ADISSP: variants seen among roughly 807,000 people sequenced by gnomAD.
The protein encoded by ADISSP is adipose secreted signaling protein.
the ADISSP span, chr20:3,753,739 T>C: frequency 0.29 from 121,615 of 412,394 alleles, 18,928 homozygotes; most frequent in Non-Finnish European, 0.32. Context: ...CTGGTGGGAG[T>C]CCCTGTGGCT....
the ADISSP span, chr20:3,754,357 T>C: frequency 1.9e-6 from 3 of 1,601,394 alleles, no homozygotes; most frequent in Non-Finnish European, 2.6e-6. Flanking sequence ...GCAGTCGAGC[T>C]TGTGCATCCC....
chr20:3,762,030 G>A, the ADISSP span, among the ~76,000 whole-genome samples: 1 of 152,188 alleles, frequency 6.6e-6, no homozygotes, highest in African/African-American at 2.4e-5. Context: ...GCTCACGCCT[G>A]TAATCCCAGC....
chr20:3,757,668 G>A, the ADISSP span, among the ~76,000 whole-genome samples: 2 of 152,106 alleles, frequency 1.3e-5, no homozygotes, highest in African/African-American at 2.4e-5. Flanking sequence ...TCTTTCTGTT[G>A]CCCAGGCTGG....
the ADISSP span, among the ~76,000 whole-genome samples, chr20:3,765,847 G>A: frequency 1.3e-5 from 2 of 152,114 alleles, no homozygotes; most frequent in African/African-American, 4.8e-5. Flanking sequence ...AACATCCTGG[G>A]AAACTGGGAA....
the ADISSP span, among the ~76,000 whole-genome samples, chr20:3,763,899 C>T: frequency 6.6e-6 from 1 of 152,218 alleles, no homozygotes; most frequent in Non-Finnish European, 1.5e-5. Context: ...CCAAGCCCTG[C>T]CTCATGGGCA....
the ADISSP span, chr20:3,755,444 G>A: frequency 6.2e-7 from 1 of 1,605,874 alleles, no homozygotes; most frequent in East Asian, 2.2e-5. Flanking sequence ...CACCCATCCA[G>A]GCCCTGCTGG....
chr20:3,764,319 G>A, the ADISSP span, among the ~76,000 whole-genome samples: 3 of 152,172 alleles, frequency 2.0e-5, no homozygotes, highest in Non-Finnish European at 2.9e-5. Flanking sequence ...GAAGGCTCTG[G>A]TTAAACTGCA....
chr20:3,761,379 A>G, the ADISSP span, among the ~76,000 whole-genome samples: 11 of 148,838 alleles, frequency 7.4e-5, 1 homozygote, highest in South Asian at 1.7e-3. Context: ...CTTGTCACCC[A>G]GGCTGGGATG....
chr20:3,764,595 T>C, the ADISSP span, among the ~76,000 whole-genome samples: 1 of 152,224 alleles, frequency 6.6e-6, no homozygotes, highest in African/African-American at 2.4e-5. Flanking sequence ...GAATCCCCTT[T>C]CTCATGTCTG....
At chr20:3,759,770 T>C in the ADISSP span, among the ~76,000 whole-genome samples, 1 of 152,028 alleles carries the variant, frequency 6.6e-6, no homozygotes, top group Non-Finnish European at 1.5e-5. The surrounding 1 kb of genome is among the most constrained non-coding windows in gnomAD (Gnocchi z 4.6). Flanking sequence ...CCAGTCTCAG[T>C]GCTCACCATA....
the ADISSP span, among the ~76,000 whole-genome samples, chr20:3,764,925 G>T: frequency 1.3e-5 from 2 of 152,336 alleles, no homozygotes; most frequent in African/African-American, 4.8e-5. Context: ...CTCCCACTGG[G>T]ACTCCTCAGG....
At chr20:3,754,008 C>A in the ADISSP span, 9 of 1,389,558 alleles carry the variant, frequency 6.5e-6, no homozygotes, top group East Asian at 2.1e-4. Context: ...GTCGGGGGGA[C>A]AAGGCGGGGT....
the ADISSP span, chr20:3,753,933 C>A: frequency 1.4e-6 from 1 of 713,086 alleles, no homozygotes; most frequent in Non-Finnish European, 2.4e-6. Context: ...GAGGCGTGGG[C>A]AAGGCCACTC....
the ADISSP span, among the ~76,000 whole-genome samples, chr20:3,761,405 G>A: frequency 6.6e-6 from 1 of 151,144 alleles, no homozygotes; most frequent in East Asian, 1.9e-4. Flanking sequence ...GCACGATCTC[G>A]GCTAACTGCA....
the ADISSP span, chr20:3,753,717 C>T: frequency 1.7e-4 from 67 of 386,658 alleles, no homozygotes; most frequent in East Asian, 3.8e-3. Flanking sequence ...CAGCTCCGTC[C>T]TCTCCCAGAC....
chr20:3,754,590 G>C, the ADISSP span: 6 of 1,526,840 alleles, frequency 3.9e-6, no homozygotes, highest in Non-Finnish European at 5.4e-6. Flanking sequence ...GCACTCACGG[G>C]CCCCTACCCA....
chr20:3,767,747 G>A, the ADISSP span: 3 of 152,386 alleles, frequency 2.0e-5, no homozygotes, highest in African/African-American at 7.2e-5. Flanking sequence ...CCGAGCACGA[G>A]GAAGGGAGCC....
chr20:3,755,067 G>A, the ADISSP span, among the ~76,000 whole-genome samples: 1 of 152,198 alleles, frequency 6.6e-6, no homozygotes, highest in African/African-American at 2.4e-5. Flanking sequence ...AGCCTGATAG[G>A]AACAGCAGCC....
the ADISSP span, among the ~76,000 whole-genome samples, chr20:3,754,992 T>C: frequency 1.3e-5 from 2 of 152,028 alleles, no homozygotes; most frequent in Non-Finnish European, 2.9e-5. Flanking sequence ...AAGCTGGAGC[T>C]CCACGAAACT....
Sources: gnomAD v4.1 joint callset for allele counts (sites outside exome capture counted in the v4.1 genomes callset) on GRCh38, gnomAD v4.1.1 for gene constraint, Gnocchi (gnomAD v3.1) non-coding constraint, MANE v1.5 for transcripts, NCBI Gene and HGNC (gene_info 2026-07-23, HGNC 2026-07-21) for gene names.